The following TTLL1 variants were observed in gnomAD, a reference collection of about 807,000 sequenced individuals.
TTLL1 encodes TTL family tubulin polyglutamylase complex subunit L1, also known as polyglutamylase complex subunit TTLL1.
A neutral mutation model predicts 47.8 loss-of-function variants in TTLL1; 33 were observed. The ratio of observed to expected loss-of-function variants is 0.69; its 90% confidence interval spans 0.52 to 0.92. TTLL1 has a LOEUF of 0.92. Among genes scored for constraint, TTLL1 ranks in the 40% least tolerant of loss-of-function variants. TTLL1 has a pLI of 0.00. For synonymous variants in TTLL1, 225 were observed against 214.1 expected (o/e 1.05, Z -0.45); for missense variants, 488 against 547.5 (o/e 0.89, Z 1.08).
At chr22:43,069,293 G>T (rs1462282459) in intron 4 of TTLL1, among the ~76,000 whole-genome samples, 1 of 150,844 alleles carries the variant, frequency 6.6e-6, no homozygotes, top group East Asian at 1.9e-4. Context: ...TTGGGAGGCT[G>T]AGGCAGGAGA....
chr22:43,087,768 G>A (rs1049558005), intron 1 of TTLL1, among the ~76,000 whole-genome samples: 1 of 147,320 alleles, frequency 6.8e-6, no homozygotes, highest in African/African-American at 2.6e-5. Context: ...AACCCGGGAG[G>A]CAGAGGTTGC....
In TTLL1 at chr22:43,048,765, C is replaced by T. The variant is rs547323759; in HGVS notation, c.979-2192G>A. On this transcript the variant is annotated intron_variant, in intron 9 of 10. Transcript: ENST00000266254. ...CAGCCTGACCAACATGGTAAAACCC[C>T]ATCTCTACTAAAAATACAAAAATTA... Among the ~76,000 whole-genome samples, 24 of 151,810 alleles carry T rather than the reference C, an allele frequency of 1.6e-4. 1 individual carries two copies. The South Asian group carries it at 5.0e-3, about 32-fold the overall frequency.
chr22:43,068,564 G>A lies in TTLL1; in HGVS notation c.349C>T (p.Pro117Ser). Residue 117 changes from proline (P) to serine (S), a missense_variant, in exon 5 of 11, where the codon CCC becomes TCC. Pro to Ser is a moderately conservative substitution (Grantham distance 74). Coordinates refer to ENST00000266254, the MANE Select transcript of TTLL1 (RefSeq NM_012263.5). ...LDFVPVTYML[P>S]ADYNLFVEEF... is the part of the protein sequence containing the mutation. The stretch of plus-strand genomic sequence containing the variant: ...TCTACAAACAGGTTGTAGTCAGCGG[G>A]CAGCATATAGGTGACTGGAACAAAG... The A allele has an allele frequency of 1.9e-6, 3 of 1,541,196 alleles. No individual in the cohort carries two copies. The highest frequency in any genetic ancestry group is 2.7e-6 in the Non-Finnish European group (3 of 1,129,856).
At position 43,039,852 on chromosome 22, in the gene TTLL1, C is replaced by T. The variant is rs377212186; in HGVS notation, c.1196G>A (p.Arg399His). Residue 399 changes from arginine (R) to histidine (H), a missense_variant, in exon 11 of 11, where the codon CGT becomes CAT. By Grantham distance (29) the Arg-to-His change is conservative. Coordinates refer to ENST00000266254, the MANE Select transcript of TTLL1 (RefSeq NM_012263.5). ...GDGADRELRS[R>H]QGQSLGPRAG... is the part of the protein sequence containing the mutation. ...TCTGGGCCCCAGAGACTGACCCTGA[C>T]GGCTTCTCAGCTCCCGGTCAGCCCC... is the stretch of plus-strand genomic sequence containing the variant. 29 of 1,614,000 alleles carry T rather than the reference C, an allele frequency of 1.8e-5. No homozygotes were observed. Among genetic ancestry groups the T allele is most frequent in the Non-Finnish European group, 2.2e-5 (26 of 1,180,012 alleles).
At chr22:43,071,321 CTTTA>C (rs1261461579) in intron 3 of TTLL1, among the ~76,000 whole-genome samples, 1 of 152,200 alleles carries the variant, frequency 6.6e-6, no homozygotes. Context: ...GATTCTTTCC[CTTTA>C]TTTATCAGTT....
intron 10 of TTLL1, 53 bp from the exon 11 acceptor site, chr22:43,039,958 G>A: frequency 1.3e-6 from 2 of 1,587,840 alleles, no homozygotes; most frequent in Admixed American, 1.7e-5. Context: ...AAGGCAACAG[G>A]CAGGGCCACC....
chr22:43,077,602 C>T (rs1034460980), intron 2 of TTLL1, among the ~76,000 whole-genome samples: 8 of 152,152 alleles, frequency 5.3e-5, no homozygotes, highest in African/African-American at 9.7e-5. Context: ...GGCCTGTCAG[C>T]GCCACTGTGG....
chr22:43,050,388 C>T (rs1246241495), intron 9 of TTLL1, among the ~76,000 whole-genome samples: 2 of 151,488 alleles, frequency 1.3e-5, no homozygotes, highest in Admixed American at 6.6e-5. Flanking sequence ...TGTACTCCAG[C>T]CTCAGTGACA....
At chr22:43,055,984 A>G (rs1200912197) in intron 8 of TTLL1, among the ~76,000 whole-genome samples, 3 of 151,920 alleles carry the variant, frequency 2.0e-5, no homozygotes, top group African/African-American at 7.2e-5. Flanking sequence ...GGTTCAAGCT[A>G]TCCTCCTGCC....
At chr22:43,063,205 C>T (rs1181673293) in intron 7 of TTLL1, among the ~76,000 whole-genome samples, 1 of 152,058 alleles carries the variant, frequency 6.6e-6, no homozygotes, top group Non-Finnish European at 1.5e-5. Context: ...ATGGAGAAAC[C>T]GAGGCTCTGA....
chr22:43,066,124 A>G (rs143255245), intron 5 of TTLL1, among the ~76,000 whole-genome samples: 1,542 of 150,480 alleles, frequency 0.01, 33 homozygotes, highest in African/African-American at 0.035. Context: ...GCACCACTGC[A>G]GTCCAGCCTG....
intron 1 of TTLL1, among the ~76,000 whole-genome samples, chr22:43,088,696 C>T (rs1395800041): frequency 6.6e-6 from 1 of 152,094 alleles, no homozygotes; most frequent in Non-Finnish European, 1.5e-5. Context: ...GCTCATCAAA[C>T]GTTTCCTGAG....
Position 43,063,887 on chromosome 22 carries a change from T to G in TTLL1, c.673A>C (p.Lys225Gln). The change falls in exon 7 of 11, where the codon AAA becomes CAA. Residue 225 changes from lysine to glutamine, a missense_variant. By Grantham distance (53) the Lys-to-Gln change is moderately conservative. Coordinates refer to ENST00000266254, the MANE Select transcript of TTLL1 (RefSeq NM_012263.5). ...KLGFCRFCTV[K>Q]YTPSTSELDN... ...AGCTCACTGGTACTCGGGGTGTATT[T>G]CACTGTGCAGAACCGGCAAAACCCA... is the stretch of plus-strand genomic sequence containing the variant. 6.2e-7 allele frequency: 1 copy of G among 1,614,120 alleles called. No homozygotes were observed. Among genetic ancestry groups the G allele is most frequent in the Non-Finnish European group, 8.5e-7 (1 of 1,180,018 alleles).
At chr22:43,042,171 C>G (rs1925737941) in intron 10 of TTLL1, among the ~76,000 whole-genome samples, 1 of 152,218 alleles carries the variant, frequency 6.6e-6, no homozygotes, top group Non-Finnish European at 1.5e-5. Context: ...CTGCCCCCAG[C>G]AGCTTGCTCA....
Position 43,069,824 on chromosome 22 carries a change from C to T in TTLL1, c.134G>A (p.Arg45Gln), listed in dbSNP as rs755461261. ...NFYWMSVQTI[R>Q]NVFSVEAGYR... ...TCCAGCTTCAACGCTGAACACATTT[C>T]GGATGGTTTGCACACTCATCCTGAA... The change falls in exon 4 of 11, where the codon CGA (arginine) becomes CAA (glutamine). Residue 45 changes from arginine to glutamine, a missense_variant. Coordinates refer to ENST00000266254, the MANE Select transcript of TTLL1 (RefSeq NM_012263.5). The T allele has an allele frequency of 3.7e-6, 6 of 1,614,158 alleles. No individual in the cohort carries two copies. Among genetic ancestry groups the T allele is most frequent in the South Asian group, 1.1e-5 (1 of 91,082 alleles).
At chr22:43,042,005 G>C (rs141203418) in intron 10 of TTLL1, among the ~76,000 whole-genome samples, 43 of 145,990 alleles carry the variant, frequency 2.9e-4, no homozygotes, top group Middle Eastern at 3.4e-3. Flanking sequence ...CTGCCTGGGT[G>C]GGGGGGGTCC....
At chr22:43,078,157 T>C (rs1207860973) in intron 2 of TTLL1, among the ~76,000 whole-genome samples, 1 of 151,728 alleles carries the variant, frequency 6.6e-6, no homozygotes, top group East Asian at 1.9e-4. Context: ...TCATCCCCAC[T>C]GCACCAATGA....
At chr22:43,056,197 A>G (rs1926989418) in intron 8 of TTLL1, among the ~76,000 whole-genome samples, 1 of 151,862 alleles carries the variant, frequency 6.6e-6, no homozygotes, top group South Asian at 2.1e-4. Context: ...TGTCTCTACT[A>G]AAAATACAAA....
At chr22:43,077,538 T>C (rs1276322394) in intron 2 of TTLL1, among the ~76,000 whole-genome samples, 1 of 152,178 alleles carries the variant, frequency 6.6e-6, no homozygotes, top group Admixed American at 6.6e-5. Context: ...CCCAGCTCCA[T>C]GCCTGGCACG....
Sources: gnomAD v4.1 joint callset for allele counts (sites outside exome capture counted in the v4.1 genomes callset) on GRCh38, gnomAD v4.1.1 for gene constraint, MANE v1.5 for transcripts, NCBI Gene and HGNC (gene_info 2026-07-23, HGNC 2026-07-21) for gene names.